Variants in SLC9A9 observed in about 807,000 individuals in gnomAD.
SLC9A9 encodes solute carrier family 9 member A9, also known as sodium/hydrogen exchanger 9.
In SLC9A9, 62 loss-of-function variants were observed where a neutral mutation model predicts 77.8. The ratio of observed to expected loss-of-function variants is 0.80; its 90% CI spans 0.65 to 0.98. SLC9A9 has a LOEUF of 0.98. Among genes scored for constraint, SLC9A9 ranks in the 50% least tolerant of loss-of-function variants. SLC9A9 has a pLI of 0.00. For missense variants in SLC9A9, 775 were observed against 774.9 expected (o/e 1.00, Z 0.00); for synonymous variants, 320 against 283.5 (o/e 1.13, Z -1.29).
intron 12 of SLC9A9, among the ~76,000 whole-genome samples, chr3:143,443,663 C>G (rs1005681268): frequency 2.0e-5 from 3 of 152,106 alleles, no homozygotes; most frequent in Non-Finnish European, 2.9e-5. Flanking sequence ...ACAAAGCATA[C>G]GTAGAGCTGG....
chr3:143,400,929 C>A (rs116443488), intron 12 of SLC9A9, among the ~76,000 whole-genome samples: 1 of 152,006 alleles, frequency 6.6e-6, no homozygotes, highest in African/African-American at 2.4e-5. Flanking sequence ...TTGCCTCCCC[C>A]AGTCCTGATC....
intron 2 of SLC9A9, among the ~76,000 whole-genome samples, chr3:143,800,450 A>G (rs983043476): frequency 2.0e-5 from 3 of 152,140 alleles, no homozygotes; most frequent in Non-Finnish European, 4.4e-5. Context: ...AAATTATTTT[A>G]CTTATCCACC....
chr3:143,625,059 G>C (rs953030189), intron 6 of SLC9A9, among the ~76,000 whole-genome samples: 8 of 152,168 alleles, frequency 5.3e-5, no homozygotes, highest in African/African-American at 1.9e-4. Flanking sequence ...ACTTACAAGG[G>C]ATGTGAAGGA....
At chr3:143,716,060 GC>G (rs1934338874) in intron 4 of SLC9A9, among the ~76,000 whole-genome samples, 1 of 152,170 alleles carries the variant, frequency 6.6e-6, no homozygotes, top group Non-Finnish European at 1.5e-5. Context: ...GAGAAATGGT[GC>G]TTTTTCTTTG....
At chr3:143,765,524 AAC>A (rs1418724048) in intron 4 of SLC9A9, among the ~76,000 whole-genome samples, 2 of 152,224 alleles carry the variant, frequency 1.3e-5, no homozygotes, top group African/African-American at 4.8e-5. Context: ...TGAATTAAAT[AAC>A]ACATAATTTA....
At chr3:143,707,746 T>G (rs1413187807) in intron 4 of SLC9A9, among the ~76,000 whole-genome samples, 1 of 152,216 alleles carries the variant, frequency 6.6e-6, no homozygotes, top group Non-Finnish European at 1.5e-5. Flanking sequence ...GCTGGCTTCA[T>G]GTGGGTCTAG....
At chr3:143,564,587 A>G (rs534709206) in intron 8 of SLC9A9, among the ~76,000 whole-genome samples, 1 of 152,196 alleles carries the variant, frequency 6.6e-6, no homozygotes, top group Non-Finnish European at 1.5e-5. Context: ...CCTGGAACTG[A>G]GAAGTCAAAG....
At chr3:143,786,097 C>T (rs1359230232) in intron 4 of SLC9A9, among the ~76,000 whole-genome samples, 2 of 151,740 alleles carry the variant, frequency 1.3e-5, no homozygotes, top group African/African-American at 2.4e-5. Context: ...CCTCGTGATC[C>T]GCCCGTCTCG....
At chr3:143,767,597 A>G (rs1273346629) in intron 4 of SLC9A9, among the ~76,000 whole-genome samples, 1 of 152,154 alleles carries the variant, frequency 6.6e-6, no homozygotes, top group Non-Finnish European at 1.5e-5. Flanking sequence ...CTTGGTTTCT[A>G]TTATTTTGTG....
intron 4 of SLC9A9, 47 bp from the exon 5 acceptor site, chr3:143,693,354 T>TGTAAACC: frequency 1.4e-6 from 2 of 1,410,452 alleles, no homozygotes; most frequent in Non-Finnish European, 2.0e-6. Flanking sequence ...ATGAACCCTG[T>TGTAAACC]GTAAACCCAT....
chr3:143,704,539 C>A (rs2108791449), intron 4 of SLC9A9, among the ~76,000 whole-genome samples: 1 of 152,150 alleles, frequency 6.6e-6, no homozygotes, highest in East Asian at 1.9e-4. Context: ...AAGAAAAACT[C>A]AAAAAACTAA....
At chr3:143,353,916 C>T (rs1313312371) in intron 14 of SLC9A9, among the ~76,000 whole-genome samples, 2 of 152,172 alleles carry the variant, frequency 1.3e-5, no homozygotes, top group African/African-American at 4.8e-5. Flanking sequence ...ACTTTAAAGG[C>T]TACTTTAGCC....
At chr3:143,755,194 G>A (rs1198507866) in intron 4 of SLC9A9, among the ~76,000 whole-genome samples, 1 of 152,040 alleles carries the variant, frequency 6.6e-6, no homozygotes, top group Non-Finnish European at 1.5e-5. Context: ...CAGAGAGCAG[G>A]AGGCCTGCCA....
intron 6 of SLC9A9, among the ~76,000 whole-genome samples, chr3:143,605,343 T>C (rs1477242527): frequency 1.3e-5 from 2 of 152,158 alleles, no homozygotes; most frequent in African/African-American, 2.4e-5. Flanking sequence ...CCAACTCAGG[T>C]GCCTGCAAGG....
chr3:143,504,728 T>A (rs952669550), intron 9 of SLC9A9, among the ~76,000 whole-genome samples: 1 of 152,208 alleles, frequency 6.6e-6, no homozygotes, highest in African/African-American at 2.4e-5. Flanking sequence ...TTTAACAATT[T>A]TTAAAAACCT....
chr3:143,799,934 A>T (rs2008503932), intron 2 of SLC9A9, among the ~76,000 whole-genome samples: 1 of 152,178 alleles, frequency 6.6e-6, no homozygotes, highest in Non-Finnish European at 1.5e-5. Flanking sequence ...TGTTGTGGGT[A>T]TTGATGGCCA....
chr3:143,630,109 G>GA (rs894526956), intron 6 of SLC9A9, among the ~76,000 whole-genome samples: 3 of 150,704 alleles, frequency 2.0e-5, no homozygotes, highest in East Asian at 3.9e-4. Context: ...GGGAAAAAGA[G>GA]AAAAAAAAAC....
chr3:143,621,128 T>TG, intron 6 of SLC9A9, among the ~76,000 whole-genome samples: 1 of 152,176 alleles, frequency 6.6e-6, no homozygotes, highest in East Asian at 1.9e-4. Flanking sequence ...AAACTTGAAC[T>TG]GGGTGGAGCC....
intron 4 of SLC9A9, among the ~76,000 whole-genome samples, chr3:143,765,668 T>A (rs2007290766): frequency 6.6e-6 from 1 of 152,200 alleles, no homozygotes; most frequent in African/African-American, 2.4e-5. Flanking sequence ...CAAAATCACC[T>A]GGGCCCTGTA....
Sources: allele counts gnomAD v4.1 joint callset (sites outside exome capture counted in the v4.1 genomes callset), GRCh38; gene constraint gnomAD v4.1.1; transcripts MANE v1.5; gene names NCBI Gene and HGNC (gene_info 2026-07-23, HGNC 2026-07-21).